Variants in IFT80 observed in about 807,000 individuals in gnomAD.
The protein encoded by IFT80 is intraflagellar transport 80.
Under a neutral mutation model 107.9 loss-of-function variants are expected in IFT80, and 79 were observed. The ratio of observed to expected loss-of-function variants is 0.73; its 90% confidence interval spans 0.61 to 0.88. The LOEUF (loss-of-function observed/expected upper bound fraction) is 0.88. IFT80 is among the 40% of genes least tolerant of loss of function. The pLI, the probability that IFT80 is intolerant of heterozygous loss-of-function variation, is 0.00. For missense variants in IFT80, 797 were observed against 914.2 expected, an observed-to-expected ratio of 0.87 and a Z score of 1.65; for synonymous variants, 299 against 300.9, an observed-to-expected ratio of 0.99 and a Z score of 0.07.
chr3:160,366,189 A>G (rs1384030069), intron 5 of IFT80, 37 bp from the exon 6 acceptor site: 1 of 1,418,828 alleles, frequency 7.0e-7, no homozygotes. Flanking sequence ...AGGCTGATAA[A>G]CTTTAATTAT....
At chr3:160,372,469 C>A (rs1711599368) in intron 5 of IFT80, among the ~76,000 whole-genome samples, 1 of 152,164 alleles carries the variant, frequency 6.6e-6, no homozygotes, top group Non-Finnish European at 1.5e-5. Context: ...AACAACTTAA[C>A]TGCTCTACTG....
chr3:160,377,404 A>G (rs752386208), intron 4 of IFT80, 26 bp downstream of exon 4: 3 of 1,314,056 alleles, frequency 2.3e-6, no homozygotes, highest in Non-Finnish European at 2.2e-6. Context: ...TATTCATTTC[A>G]AATGTCATTT....
chr3:160,380,028 CT>C (rs1326679923), intron 3 of IFT80, among the ~76,000 whole-genome samples: 4 of 124,894 alleles, frequency 3.2e-5, no homozygotes, highest in East Asian at 2.1e-4. Context: ...GTCCCATTGT[CT>C]TTTTTTCTTT....
intron 12 of IFT80, among the ~76,000 whole-genome samples, chr3:160,292,753 T>A (rs1004619985): frequency 3.9e-5 from 6 of 152,030 alleles, no homozygotes; most frequent in African/African-American, 1.4e-4. Flanking sequence ...TTTTGATGGA[T>A]CTCAGGGAGA....
chr3:160,297,911 A>T (rs1463494235), intron 12 of IFT80, among the ~76,000 whole-genome samples: 3 of 152,130 alleles, frequency 2.0e-5, no homozygotes, highest in African/African-American at 7.2e-5. Flanking sequence ...ATGTAATAGA[A>T]ACTGGCAGAA....
At chr3:160,359,524 T>C (rs544802086) in intron 6 of IFT80, among the ~76,000 whole-genome samples, 7 of 152,180 alleles carry the variant, frequency 4.6e-5, no homozygotes, top group Non-Finnish European at 1.0e-4. Context: ...ATGGACAGAC[T>C]GCCTCCTCAA....
intron 5 of IFT80, chr3:160,373,663 A>G: frequency 5.8e-6 from 1 of 172,726 alleles, no homozygotes; most frequent in Non-Finnish European, 1.2e-5. Context: ...CTGCAACAAG[A>G]TGGTCACTGC....
chr3:160,364,366 A>G (rs9798898), intron 6 of IFT80, among the ~76,000 whole-genome samples: 79,853 of 151,936 alleles, frequency 0.53, 21,443 homozygotes, highest in African/African-American at 0.56. Context: ...GTGCTGGAGA[A>G]GATATGGAGA....
At chr3:160,307,616 CACAG>C (rs1559930627) in intron 10 of IFT80, 43 bp downstream of exon 10, 1 of 1,014,820 alleles carries the variant, frequency 9.9e-7, no homozygotes, top group African/African-American at 1.6e-5. Context: ...AACTCCTCAG[CACAG>C]ACAGACAAAA....
intron 8 of IFT80, among the ~76,000 whole-genome samples, chr3:160,344,182 G>T (rs1237387610): frequency 6.6e-6 from 1 of 152,096 alleles, no homozygotes; most frequent in Admixed American, 6.6e-5. Context: ...ATTTCTGGGG[G>T]TATGTACCCT....
chr3:160,359,495 C>T (rs541150777), intron 6 of IFT80, among the ~76,000 whole-genome samples: 38 of 152,262 alleles, frequency 2.5e-4, no homozygotes, highest in Admixed American at 3.3e-4. Flanking sequence ...TCTCCCAGCA[C>T]GGCGTTTGAG....
intron 3 of IFT80, among the ~76,000 whole-genome samples, chr3:160,379,720 T>C (rs1712318697): frequency 6.6e-6 from 1 of 152,204 alleles, no homozygotes; most frequent in Admixed American, 6.5e-5. Flanking sequence ...ATCAAAATAA[T>C]TGTTTAAGTC....
intron 16 of IFT80, 44 bp from the exon 17 acceptor site, chr3:160,277,714 A>G: frequency 7.8e-7 from 1 of 1,288,830 alleles, no homozygotes; most frequent in South Asian, 1.2e-5. Context: ...ATGTGACTGA[A>G]CTGCCTTAAA....
chr3:160,367,235 A>T (rs1041079505), intron 5 of IFT80, among the ~76,000 whole-genome samples: 4 of 152,122 alleles, frequency 2.6e-5, no homozygotes, highest in Non-Finnish European at 5.9e-5. Flanking sequence ...GTTGCAACAA[A>T]CACAAAAGTG....
At chr3:160,378,497 T>C (rs567223415) in intron 3 of IFT80, among the ~76,000 whole-genome samples, 174 of 152,180 alleles carry the variant, frequency 1.1e-3, no homozygotes, top group Non-Finnish European at 2.2e-3. Context: ...ATCTTGTTTT[T>C]TTAAATACCA....
rs1278015440 is a variant in IFT80, at chr3:160,357,504, T to G, written c.624A>C (p.Glu208Asp). Residue 208 changes from glutamate (E) to aspartate (D), a missense_variant, in exon 7 of 20, where the codon GAA (glutamate) becomes GAC (aspartate). Coordinates refer to ENST00000326448, the MANE Select transcript of IFT80 (RefSeq NM_020800.3). ...SVNDLILSAG[E>D]DCKYKVWDSY... ...CATTATATACCTTATATTTACAGTC[T>G]TCACCAGCAGATAAAATAAGATCAT... 6.4e-7 allele frequency: 1 copy of G among 1,557,836 alleles called. No individual in the cohort carries two copies. Among genetic ancestry groups the G allele is most frequent in the Non-Finnish European group, 8.9e-7 (1 of 1,129,520 alleles).
chr3:160,398,499 A>C (rs1212213201), intron 1 of IFT80, among the ~76,000 whole-genome samples: 1 of 152,230 alleles, frequency 6.6e-6, no homozygotes, highest in African/African-American at 2.4e-5. Flanking sequence ...CTTTAACAAT[A>C]TAGGGAATTA....
At chr3:160,289,067 A>G (rs942966881) in intron 12 of IFT80, among the ~76,000 whole-genome samples, 1 of 152,274 alleles carries the variant, frequency 6.6e-6, no homozygotes, top group African/African-American at 2.4e-5. Flanking sequence ...TTAAATGCCC[A>G]TCAATAACAG....
chr3:160,394,755 A>T (rs1036332675), intron 1 of IFT80, among the ~76,000 whole-genome samples: 1 of 146,450 alleles, frequency 6.8e-6, no homozygotes, highest in East Asian at 1.9e-4. Context: ...ATCTCAAAAA[A>T]GAAAAAAAAA....
Sources: allele counts gnomAD v4.1 joint callset (sites outside exome capture counted in the v4.1 genomes callset), GRCh38; gene constraint gnomAD v4.1.1; transcripts MANE v1.5; gene names NCBI Gene and HGNC (gene_info 2026-07-23, HGNC 2026-07-21).